BBS2: variants seen among roughly 807,000 people sequenced by gnomAD.
BBS2 encodes the protein Bardet-Biedl syndrome 2, also known as BBSome complex member BBS2.
In BBS2, 62 loss-of-function variants were observed where a neutral mutation model predicts 83.0. That is an observed-to-expected ratio of 0.75 (90% confidence interval 0.61 to 0.92). BBS2 has a LOEUF of 0.92. BBS2 is among the 40% of genes least tolerant of loss of function. BBS2 has a pLI of 0.00. For missense variants in BBS2, 784 were observed against 901.0 expected, an observed-to-expected ratio of 0.87 and a Z score of 1.66; for synonymous variants, 303 against 326.1, an observed-to-expected ratio of 0.93 and a Z score of 0.76.
intron 17 of BBS2, chr16:56,475,449 G>C: frequency 6.8e-7 from 1 of 1,480,898 alleles, no homozygotes; most frequent in African/African-American, 1.4e-5. Flanking sequence ...GATTTAAGTA[G>C]ATGGTGCGAC....
intron 2 of BBS2, 57 bp downstream of exon 2, chr16:56,514,396 T>TA: frequency 6.7e-7 from 1 of 1,494,186 alleles, no homozygotes; most frequent in Middle Eastern, 1.7e-4. Flanking sequence ...CTTCTAAGCA[T>TA]AAAAAATGGA....
chr16:56,514,402 A>G, intron 2 of BBS2, 51 bp downstream of exon 2: 1 of 1,513,250 alleles, frequency 6.6e-7, no homozygotes, highest in Non-Finnish European at 9.2e-7. Context: ...AGCATAAAAA[A>G]TGGACATTAA....
Position 56,506,000 on chromosome 16 carries a change from G to T in BBS2, c.754C>A (p.Leu252Ile). ...NHAMSIHAFDLNSDGVNELIT... is the reference protein window; with the variant it reads ...NHAMSIHAFDINSDGVNELIT... The stretch of plus-strand genomic sequence containing the variant: ...AGTTCATTCACTCCATCAGAATTAA[G>T]GTCAAAAGCATGAATGCTCATGGCA... The change falls in exon 7 of 17, where the codon CTT becomes ATT. Residue 252 changes from leucine to isoleucine, a missense_variant. Physicochemically the swap from Leu to Ile is conservative, Grantham distance 5. Coordinates refer to ENST00000245157, the MANE Select transcript of BBS2 (RefSeq NM_031885.5). 2 of 1,613,848 alleles carry T rather than the reference G, an allele frequency of 1.2e-6. No individual in the cohort carries two copies. Among genetic ancestry groups the T allele is most frequent in the Non-Finnish European group, 1.7e-6 (2 of 1,179,922 alleles).
At position 56,477,305 on chromosome 16, in the gene BBS2, C is replaced by T. The variant is rs1306581478; in HGVS notation, c.*1-6610G>A. The T allele has an allele frequency of 3.3e-5, 5 of 152,346 alleles. No homozygotes were observed. In the East Asian group the frequency reaches 7.7e-4, roughly 23 times the overall value. 9.4% of individuals were successfully genotyped at this position (152,346 alleles called of 1,614,324 possible). A position where few individuals can be genotyped will look rare whatever the true frequency, so the allele number is the denominator to read the frequency against. On this transcript the variant is annotated intron_variant, in intron 17 of 17. Coordinates refer to the BBS2 transcript ENST00000682047. Reference sequence around the variant, plus strand: ...TGTGGCCTTGTTCCACCATGACTCTCACAGTACAGTGTAGGCTTAGTGTAG... The same window carrying T: ...TGTGGCCTTGTTCCACCATGACTCTTACAGTACAGTGTAGGCTTAGTGTAG...
chr16:56,502,500 T>C (rs1964304059), intron 8 of BBS2, 44 bp from the exon 9 acceptor site: 2 of 1,613,920 alleles, frequency 1.2e-6, no homozygotes. Context: ...GGTATACTTT[T>C]AGGTCATCAA....
At chr16:56,496,478 CTT>C (rs1964119663) in intron 15 of BBS2, among the ~76,000 whole-genome samples, 1 of 152,144 alleles carries the variant, frequency 6.6e-6, no homozygotes, top group South Asian at 2.1e-4. Context: ...ATAGTTTACT[CTT>C]TTCTCTAACT....
In BBS2 at chr16:56,484,478, A is replaced by G; in HGVS notation, c.*283T>C. ...TCAAGAAAAAAATATGTATTTATAT[A>G]CCATAAATAAGCAAAATTGGACTCT... On this transcript the variant is annotated 3_prime_UTR_variant, in exon 17 of 17. Transcript: ENST00000245157. The G allele has an allele frequency of 3.5e-6, 1 of 289,170 alleles. No individual in the cohort carries two copies. The highest frequency in any genetic ancestry group is 6.6e-6 in the Non-Finnish European group (1 of 150,746). The allele number at this position is 289,170 out of a possible 1,614,324, so 17.9% of individuals were successfully genotyped here. A position where few individuals can be genotyped will look rare whatever the true frequency, so the allele number is the denominator to read the frequency against.
At chr16:56,470,713 C>T in intron 17 of BBS2, 1 of 1,614,018 alleles carries the variant, frequency 6.2e-7, no homozygotes. Flanking sequence ...AGAGAATAAT[C>T]AGATGGCCAT....
chr16:56,494,220 A>C (rs749788773), intron 15 of BBS2, among the ~76,000 whole-genome samples: 2 of 147,002 alleles, frequency 1.4e-5, no homozygotes, highest in Non-Finnish European at 3.0e-5. Context: ...CTCCCACCTC[A>C]GCATCGCAAA....
At chr16:56,494,889 G>A (rs1964070084) in intron 15 of BBS2, among the ~76,000 whole-genome samples, 1 of 151,598 alleles carries the variant, frequency 6.6e-6, no homozygotes, top group Non-Finnish European at 1.5e-5. Context: ...ATGAACCCGG[G>A]AGGCGGAGGT....
chr16:56,501,584 A>G, intron 9 of BBS2, 87 bp from the exon 10 acceptor site: 1 of 1,530,572 alleles, frequency 6.5e-7, no homozygotes, highest in Non-Finnish European at 9.0e-7. Flanking sequence ...TCAGCTTCAA[A>G]AGACAGAGCC....
rs938239705 is a variant in BBS2 at position 56,506,509 on chromosome 16, A to C, written c.613-285T>G. Among the ~76,000 whole-genome samples, 14 of 152,336 alleles carry C rather than the reference A, an allele frequency of 9.2e-5. No individual in the cohort carries two copies. In the East Asian group the frequency reaches 2.7e-3, roughly 29 times the overall value. ...ATTTTTAAAAAACACATGAAAACTGAAGGACTAAGGAAAACATAAGCTAAC... is the reference window on the plus strand; with the variant it reads ...ATTTTTAAAAAACACATGAAAACTGCAGGACTAAGGAAAACATAAGCTAAC... On this transcript the variant is annotated intron_variant, in intron 5 of 16. Transcript: ENST00000245157.
At chr16:56,480,376 A>ACAAAAAAAACC (rs756371353), downstream of BBS2, among the ~76,000 whole-genome samples, 1 of 142,402 alleles carries the variant, frequency 7.0e-6, no homozygotes, top group Non-Finnish European at 1.5e-5. Context: ...CAAAAAAAAA[A>ACAAAAAAAACC]ACAAAGCTTG....
intron 15 of BBS2, among the ~76,000 whole-genome samples, 174 bp from the exon 16 acceptor site, chr16:56,485,912 T>C (rs772551210): frequency 1.3e-5 from 2 of 152,232 alleles, no homozygotes; most frequent in African/African-American, 4.8e-5. Context: ...CATAAAAATA[T>C]TCTTTTCCTT....
intron 10 of BBS2, 126 bp from the exon 11 acceptor site, chr16:56,501,151 A>G (rs1404990573): frequency 7.5e-7 from 1 of 1,331,190 alleles, no homozygotes; most frequent in Admixed American, 1.7e-5. Context: ...TCTACTAAAA[A>G]TACAAAAAAT....
intron 2 of BBS2, among the ~76,000 whole-genome samples, chr16:56,513,713 T>C (rs776367258): frequency 2.2e-4 from 33 of 152,206 alleles, no homozygotes; most frequent in Non-Finnish European, 4.4e-4. Flanking sequence ...TGGGGAGTGA[T>C]ACTAATGGGT....
chr16:56,477,473 A>G (rs1416178410), intron 17 of BBS2: 1 of 152,252 alleles, frequency 6.6e-6, no homozygotes, highest in Non-Finnish European at 1.5e-5. Flanking sequence ...TGGCCTGTGT[A>G]TAATTAAATG....
In BBS2 at chr16:56,501,943, G is replaced by T. The variant is rs1156327428; in HGVS notation, c.1080+374C>A. The T allele has an allele frequency of 8.0e-6, 3 of 373,904 alleles. No individual in the cohort carries two copies. In the Admixed American group the frequency reaches 1.2e-4, roughly 15 times the overall value. 23.2% of individuals were successfully genotyped at this position (373,904 alleles called of 1,614,324 possible). A position where few individuals can be genotyped will look rare whatever the true frequency, so the allele number is the denominator to read the frequency against. ...ATAAAAGACATTCTATATTGTTCTT[G>T]CCTTTTGTCACTTGGTAAGACGACA... On this transcript the variant is annotated intron_variant, in intron 9 of 16. Transcript: ENST00000245157.
At chr16:56,497,149 C>T (rs1156508841) in intron 14 of BBS2, 70 bp from the exon 15 acceptor site, 9 of 989,898 alleles carry the variant, frequency 9.1e-6, no homozygotes, top group Non-Finnish European at 1.5e-5. Context: ...AATGAAAAGA[C>T]ACTATTTACC....
Sources: allele counts gnomAD v4.1 joint callset (sites outside exome capture counted in the v4.1 genomes callset), GRCh38; gene constraint gnomAD v4.1.1; transcripts MANE v1.5; gene names NCBI Gene and HGNC (gene_info 2026-07-23, HGNC 2026-07-21).